The following SNRK variants were observed in gnomAD, a reference collection of about 807,000 sequenced individuals.
SNRK encodes SNF related kinase.
Under a neutral mutation model 48.2 loss-of-function variants are expected in SNRK, and 3 were observed. That is an observed-to-expected ratio of 0.06 (90% CI 0.03 to 0.16). The LOEUF is 0.16. Among genes scored for constraint, SNRK ranks in the 10% least tolerant of loss-of-function variants. The pLI, the probability that SNRK is intolerant of heterozygous loss-of-function variation, is 1.00. For missense variants in SNRK, 627 were observed against 976.0 expected, an observed-to-expected ratio of 0.64 and a Z score of 4.76; for synonymous variants, 376 against 366.1, an observed-to-expected ratio of 1.03 and a Z score of -0.31.
At chr3:43,317,552 C>CA (rs1455101557) in intron 3 of SNRK, among the ~76,000 whole-genome samples, 1 of 152,186 alleles carries the variant, frequency 6.6e-6, no homozygotes, top group African/African-American at 2.4e-5. Context: ...TCAAAACCAC[C>CA]ATCCTCACTG....
At chr3:43,320,844 G>T (rs1265034634) in intron 3 of SNRK, among the ~76,000 whole-genome samples, 3 of 151,120 alleles carry the variant, frequency 2.0e-5, no homozygotes, top group Non-Finnish European at 4.4e-5. Flanking sequence ...TTTTGCTTTA[G>T]ATCTAGAAAG....
chr3:43,341,244 G>A (rs888221782), intron 5 of SNRK, among the ~76,000 whole-genome samples: 6 of 150,922 alleles, frequency 4.0e-5, no homozygotes, highest in Admixed American at 2.0e-4. Flanking sequence ...TCCGCCTCCC[G>A]GGTTCACGCC....
chr3:43,297,099 G>A (rs59930267), intron 1 of SNRK, among the ~76,000 whole-genome samples: 5,084 of 152,234 alleles, frequency 0.033, 269 homozygotes, highest in African/African-American at 0.11. Flanking sequence ...GCTGTGTAAA[G>A]ACATGTTATC....
chr3:43,325,934 C>T (rs987317539), intron 3 of SNRK, among the ~76,000 whole-genome samples: 6 of 152,172 alleles, frequency 3.9e-5, no homozygotes, highest in East Asian at 1.9e-4. Context: ...TGAAAGAAAT[C>T]GCCCAAGTAT....
intron 4 of SNRK, among the ~76,000 whole-genome samples, chr3:43,337,375 C>A (rs534836905): frequency 5.9e-5 from 9 of 152,096 alleles, no homozygotes; most frequent in African/African-American, 2.2e-4. Flanking sequence ...TGCCCAGGGG[C>A]CTCATGTTTT....
rs2090910196 is a variant in SNRK at position 43,303,068 on chromosome 3, C to A, written c.-106-30C>A. The stretch of plus-strand genomic sequence containing the variant: ...AGTTTGTGAAGAAAAGTCGCAGAAA[C>A]TTAATTTTGTTTCTCTTCTTATTTT... On this transcript the variant is annotated intron_variant, in intron 2 of 6. Transcript: ENST00000296088. This position sits in a 1 kb window ranked among gnomAD's most constrained non-coding sequence, Gnocchi z 6.2. 1.8e-6 allele frequency: 1 copy of A among 564,312 alleles called. No homozygotes were observed. The highest frequency in any genetic ancestry group is 2.9e-6 in the Non-Finnish European group (1 of 347,146). 35.0% of individuals were successfully genotyped at this position (564,312 alleles called of 1,614,324 possible).
At chr3:43,333,853 T>G (rs1474526791) in intron 4 of SNRK, among the ~76,000 whole-genome samples, 1 of 152,054 alleles carries the variant, frequency 6.6e-6, no homozygotes, top group Non-Finnish European at 1.5e-5. Flanking sequence ...GGATTATTTT[T>G]AATAATTATT....
chr3:43,294,725 G>GT (rs113950436), intron 1 of SNRK, among the ~76,000 whole-genome samples: 1,691 of 141,206 alleles, frequency 0.012, 18 homozygotes, highest in African/African-American at 0.032. Flanking sequence ...TTATTGATTA[G>GT]TTTTTTTTTT....
In SNRK at chr3:43,306,350, CATT is replaced by C. The variant is rs1322250485; in HGVS notation, c.589+2561_589+2563del. Among the ~76,000 whole-genome samples, 6 of 151,938 alleles carry C rather than the reference CATT, an allele frequency of 3.9e-5. No individual in the cohort carries two copies. The East Asian group carries it at 5.8e-4, about 15-fold the overall frequency. Reference sequence around the variant, plus strand: ...AGCATACACAAATATTAAAATCTGTCATTATATTGTGAGATGTTACTAAATAAA... The same window carrying C: ...AGCATACACAAATATTAAAATCTGTCATATTGTGAGATGTTACTAAATAAA... On this transcript the variant is annotated intron_variant, in intron 3 of 6. Coordinates refer to ENST00000296088, the MANE Select transcript of SNRK (RefSeq NM_017719.5).
chr3:43,339,600 T>G (rs2091217064), intron 4 of SNRK, among the ~76,000 whole-genome samples: 1 of 151,500 alleles, frequency 6.6e-6, no homozygotes, highest in African/African-American at 2.4e-5. Context: ...GGCGAATCAC[T>G]AGGTCAGGAG....
At chr3:43,316,011 A>G (rs758792093) in intron 3 of SNRK, among the ~76,000 whole-genome samples, 23 of 151,718 alleles carry the variant, frequency 1.5e-4, no homozygotes, top group Non-Finnish European at 2.9e-4. Flanking sequence ...TTGATCTGGC[A>G]TAAACCCTCT....
At chr3:43,323,171 A>G (rs1410965592) in intron 3 of SNRK, among the ~76,000 whole-genome samples, 1 of 152,160 alleles carries the variant, frequency 6.6e-6, no homozygotes, top group Admixed American at 6.5e-5. Flanking sequence ...ACCTCACGCC[A>G]TGTGTAAAAG....
intron 3 of SNRK, among the ~76,000 whole-genome samples, chr3:43,305,026 C>A (rs984346): frequency 0.98 from 149,139 of 152,182 alleles, 73,148 homozygotes; most frequent in East Asian, 1. Flanking sequence ...AAAATCTTCA[C>A]CCTCATTAGT....
At chr3:43,331,964 C>G (rs1219008078) in intron 3 of SNRK, among the ~76,000 whole-genome samples, 1 of 152,222 alleles carries the variant, frequency 6.6e-6, no homozygotes, top group Non-Finnish European at 1.5e-5. Context: ...TGACCATTCA[C>G]TGTGTACTAG....
At chr3:43,295,027 A>G (rs533661062) in intron 1 of SNRK, among the ~76,000 whole-genome samples, 1 of 152,312 alleles carries the variant, frequency 6.6e-6, no homozygotes, top group East Asian at 1.9e-4. Flanking sequence ...TTGTCACCAT[A>G]CTAATTTTTA....
At chr3:43,333,449 A>G (rs2091163706) in intron 4 of SNRK, 1 of 148,334 alleles carries the variant, frequency 6.7e-6, no homozygotes, top group Non-Finnish European at 1.5e-5. Flanking sequence ...ATGATGTCAG[A>G]GTGGTAGAAA....
At chr3:43,294,638 A>G (rs1190161948) in intron 1 of SNRK, among the ~76,000 whole-genome samples, 1 of 152,158 alleles carries the variant, frequency 6.6e-6, no homozygotes, top group Non-Finnish European at 1.5e-5. Flanking sequence ...TTGCAGTCCC[A>G]CCAGTGTAAG....
intron 4 of SNRK, among the ~76,000 whole-genome samples, chr3:43,335,108 T>C (rs1159504666): frequency 1.3e-5 from 2 of 152,204 alleles, no homozygotes; most frequent in Non-Finnish European, 2.9e-5. Context: ...TCTTTTCTCT[T>C]GTCTGTAGTA....
chr3:43,332,044 G>T (rs2091150475), intron 3 of SNRK, 125 bp from the exon 4 acceptor site: 1 of 665,396 alleles, frequency 1.5e-6, no homozygotes, highest in African/African-American at 1.9e-5. Context: ...TTCCTTCATG[G>T]ATGTTTGTAC....
Sources: allele counts gnomAD v4.1 joint callset (sites outside exome capture counted in the v4.1 genomes callset), GRCh38; gene constraint gnomAD v4.1.1; non-coding constraint Gnocchi (gnomAD v3.1); transcripts MANE v1.5; gene names NCBI Gene and HGNC (gene_info 2026-07-23, HGNC 2026-07-21).